The following COL23A1 variants were observed in gnomAD, a reference collection of about 807,000 sequenced individuals.
COL23A1 encodes the protein collagen type XXIII alpha 1 chain.
In COL23A1, 97 loss-of-function variants were observed where a neutral mutation model predicts 99.3. The ratio of observed to expected loss-of-function variants is 0.98; its 90% CI spans 0.83 to 1.16. The LOEUF is 1.16. Among genes scored for constraint, COL23A1 ranks in the 50% most tolerant of loss-of-function variants. The probability of loss-of-function intolerance (pLI) is 0.00; values close to 1 mark genes in which losing one functional copy is unlikely to be tolerated. For missense variants in COL23A1, 762 were observed against 757.4 expected, an observed-to-expected ratio of 1.01 and a Z score of -0.07; for synonymous variants, 320 against 308.2, an observed-to-expected ratio of 1.04 and a Z score of -0.40.
chr5:178,336,882 CAAAA>C (rs1399629343), intron 2 of COL23A1, among the ~76,000 whole-genome samples: 3 of 152,014 alleles, frequency 2.0e-5, no homozygotes, highest in Non-Finnish European at 4.4e-5. Flanking sequence ...AGGAAAAAAA[CAAAA>C]AAAGGCAAAG....
At position 178,562,738 on chromosome 5, in the gene COL23A1, G is replaced by GT. The variant is rs1562093736; in HGVS notation, c.295-1991_295-1990insA. On this transcript the variant is annotated intron_variant, in intron 1 of 28. Coordinates refer to ENST00000390654, the MANE Select transcript of COL23A1 (RefSeq NM_173465.4). ...AGGTTGCTGCCGCTGGCTGGTGGTG[G>GT]GGGGGGTGCGGGCTTTTATTCCGTT... 2.1e-4 allele frequency: 27 copies of GT among 127,206 alleles called. 2 individuals carry two copies. Among genetic ancestry groups the GT allele is most frequent in the African/African-American group, 7.1e-4 (22 of 30,878 alleles). 7.9% of individuals were successfully genotyped at this position (127,206 alleles called of 1,614,324 possible).
chr5:178,337,294 C>CGGCCA (rs1297715457), intron 2 of COL23A1, among the ~76,000 whole-genome samples: 1 of 152,228 alleles, frequency 6.6e-6, no homozygotes, highest in Non-Finnish European at 1.5e-5. Context: ...CGGTGATCCC[C>CGGCCA]GGCCAGACCC....
chr5:178,295,238 A>T (rs928947768), intron 3 of COL23A1, among the ~76,000 whole-genome samples: 1 of 152,198 alleles, frequency 6.6e-6, no homozygotes, highest in African/African-American at 2.4e-5. Context: ...CAAAGGCTAG[A>T]TATCTTGACA....
At chr5:178,523,181 C>CATAT (rs375162340) in intron 2 of COL23A1, among the ~76,000 whole-genome samples, 98 of 90,364 alleles carry the variant, frequency 1.1e-3, no homozygotes, top group East Asian at 2.4e-3. Context: ...TATATATACA[C>CATAT]ATATATATAT....
chr5:178,352,598 T>C (rs1187347499), intron 2 of COL23A1, among the ~76,000 whole-genome samples: 2 of 152,198 alleles, frequency 1.3e-5, no homozygotes, highest in African/African-American at 4.8e-5. Context: ...ACAAACCTCT[T>C]TACCTTCTCT....
intron 2 of COL23A1, among the ~76,000 whole-genome samples, chr5:178,317,132 T>G (rs1245691324): frequency 6.6e-6 from 1 of 152,220 alleles, no homozygotes; most frequent in Non-Finnish European, 1.5e-5. Flanking sequence ...CCATATTAAT[T>G]ACAATCCACA....
rs368709452 is a variant in COL23A1, at chr5:178,403,073, C to T, written c.362-96154G>A. Among the ~76,000 whole-genome samples the T allele has an allele frequency of 3.0e-4, 41 of 135,790 alleles. 3 individuals carry two copies. The South Asian group carries it at 5.3e-3, about 17-fold the overall frequency. The allele number at this position is 135,790 out of a possible 152,430, so 89.1% of individuals were successfully genotyped here. A position where few individuals can be genotyped will look rare whatever the true frequency, so the allele number is the denominator to read the frequency against. On this transcript the variant is annotated intron_variant, in intron 2 of 28. Coordinates refer to ENST00000390654, the MANE Select transcript of COL23A1 (RefSeq NM_173465.4). ...GAAGTGAGCTGAGGTCGTGCCACGG[C>T]ACTCCAGCCTGGGCAACAGAGAGAG...
At chr5:178,488,825 G>T (rs1036791683) in intron 2 of COL23A1, among the ~76,000 whole-genome samples, 1 of 152,224 alleles carries the variant, frequency 6.6e-6, no homozygotes, top group African/African-American at 2.4e-5. Flanking sequence ...CAAATGGGAT[G>T]GGCTCTGCCA....
chr5:178,380,434 T>A (rs1763319156), intron 2 of COL23A1, among the ~76,000 whole-genome samples: 2 of 152,092 alleles, frequency 1.3e-5, no homozygotes, highest in Non-Finnish European at 2.9e-5. Flanking sequence ...TATGCTTTTT[T>A]CCTGTTTTTG....
chr5:178,455,023 T>A (rs2127878502), intron 2 of COL23A1, among the ~76,000 whole-genome samples: 1 of 152,324 alleles, frequency 6.6e-6, no homozygotes, highest in East Asian at 1.9e-4. Context: ...TCTCTGCTTC[T>A]CCCCATGCAC....
At chr5:178,269,795 G>GCATCCATCCATCCATCCATC (rs112165051) in intron 6 of COL23A1, among the ~76,000 whole-genome samples, 6 of 141,932 alleles carry the variant, frequency 4.2e-5, no homozygotes, top group African/African-American at 1.6e-4. Flanking sequence ...TATCCAGTCA[G>GCATCCATCCATCCATCCATC]CATCCATCCA....
rs751441402 is a variant in COL23A1, at chr5:178,262,256, C to A, written c.640-4G>T. On this transcript the variant is annotated splice_region_variant and splice_polypyrimidine_tract_variant and intron_variant, in intron 9 of 28. Transcript: ENST00000390654. ...GTCCGGGCTCTCCTTTGGGGCCCTG[C>A]GGAAGTGTGAGGGGACAGCAGTGAA... 1 of 1,580,150 alleles carries A rather than the reference C, an allele frequency of 6.3e-7. No individual in the cohort carries two copies.
rs1764688540 is a variant in COL23A1, at chr5:178,246,268, T to C, written c.1399A>G (p.Thr467Ala). 1 of 1,554,176 alleles carries C rather than the reference T, an allele frequency of 6.4e-7. No individual in the cohort carries two copies. Among genetic ancestry groups the C allele is most frequent in the Admixed American group, 2.0e-5 (1 of 51,160 alleles). ...GPPGLIGLPG[T>A]KGEKGRPGEP... is the part of the protein sequence containing the mutation. Reference sequence around the variant, plus strand: ...GAGGCGGTTACCTTCTCTCCTTTGGTTCCTGGCAGCCCAATAAGGCCCGGT... The same window carrying C: ...GAGGCGGTTACCTTCTCTCCTTTGGCTCCTGGCAGCCCAATAAGGCCCGGT... The change falls in exon 24 of 29, where the codon ACC becomes GCC. Residue 467 changes from threonine (T) to alanine (A), a missense_variant. Coordinates refer to ENST00000390654, the MANE Select transcript of COL23A1 (RefSeq NM_173465.4).
At position 178,259,749 on chromosome 5, in the gene COL23A1, T is replaced by TG; in HGVS notation, c.703-3dup. The TG allele has an allele frequency of 6.2e-7, 1 of 1,603,242 alleles. No homozygotes were observed. The highest frequency in any genetic ancestry group is 8.5e-7 in the Non-Finnish European group (1 of 1,173,184). On this transcript the variant is annotated splice_polypyrimidine_tract_variant and splice_region_variant and intron_variant, in intron 11 of 28. Coordinates refer to ENST00000390654, the MANE Select transcript of COL23A1 (RefSeq NM_173465.4). Reference sequence around the variant, plus strand: ...CTTTCCAGGTACTCCAGGCTCACCCTGGGGGAGGCAATGGGGGGTTCAAGA... The same window carrying TG: ...CTTTCCAGGTACTCCAGGCTCACCCTGGGGGGAGGCAATGGGGGGTTCAAGA...
intron 2 of COL23A1, among the ~76,000 whole-genome samples, chr5:178,471,654 C>G (rs1756758500): frequency 6.6e-6 from 1 of 152,144 alleles, no homozygotes; most frequent in Non-Finnish European, 1.5e-5. Context: ...GCCTTTGGAC[C>G]TGCCTCTCCC....
intron 12 of COL23A1, among the ~76,000 whole-genome samples, chr5:178,258,119 A>G (rs1245161015): frequency 6.6e-6 from 1 of 151,788 alleles, no homozygotes; most frequent in African/African-American, 2.4e-5. Flanking sequence ...ATGGTGGCAC[A>G]TGCCTGTAGT....
chr5:178,269,629 T>TCCATCCATCCAC (rs1315387820), intron 6 of COL23A1, among the ~76,000 whole-genome samples: 1 of 132,254 alleles, frequency 7.6e-6, no homozygotes, highest in East Asian at 2.4e-4. Flanking sequence ...CATCCATTCA[T>TCCATCCATCCAC]CCACCCATCC....
intron 3 of COL23A1, among the ~76,000 whole-genome samples, chr5:178,291,640 T>G (rs1581091600): frequency 1.3e-5 from 2 of 150,508 alleles, no homozygotes; most frequent in Non-Finnish European, 3.0e-5. Context: ...GTTCTAAGGG[T>G]GAAGGGGAGT....
chr5:178,407,797 T>C (rs530210526), intron 2 of COL23A1, among the ~76,000 whole-genome samples: 7 of 145,816 alleles, frequency 4.8e-5, no homozygotes, highest in Admixed American at 2.7e-4. Flanking sequence ...AGAGAGAAAA[T>C]AGACTAGGGA....
Sources: gnomAD v4.1 joint callset for allele counts (sites outside exome capture counted in the v4.1 genomes callset) on GRCh38, gnomAD v4.1.1 for gene constraint, MANE v1.5 for transcripts, NCBI Gene and HGNC (gene_info 2026-07-23, HGNC 2026-07-21) for gene names.